The following DOCK1 variants were observed in gnomAD, a reference collection of about 807,000 sequenced individuals.
The protein encoded by DOCK1 is dedicator of cytokinesis protein 1.
Under a neutral mutation model 262.7 loss-of-function variants are expected in DOCK1, and 138 were observed. The observed-to-expected ratio is 0.53, with a 90% CI of 0.46 to 0.61. DOCK1 has a LOEUF of 0.61. DOCK1 is among the 20% of genes least tolerant of loss of function. The pLI, the probability that DOCK1 is intolerant of heterozygous loss-of-function variation, is 0.00. For missense variants in DOCK1, 1,908 were observed against 2,370.7 expected (o/e 0.80, Z 4.05); for synonymous variants, 866 against 867.4 (o/e 1.00, Z 0.03).
chr10:127,416,045 G>A (rs575547613), intron 44 of DOCK1, among the ~76,000 whole-genome samples: 6 of 152,182 alleles, frequency 3.9e-5, no homozygotes, highest in African/African-American at 9.7e-5. Context: ...TCTAGGGGCC[G>A]GCATCTCTCT....
chr10:127,256,894 T>A (rs989182385), intron 28 of DOCK1, among the ~76,000 whole-genome samples: 1 of 152,212 alleles, frequency 6.6e-6, no homozygotes, highest in Non-Finnish European at 1.5e-5. Flanking sequence ...GTTTTGAAAT[T>A]CCGTAAGAGA....
intron 25 of DOCK1, among the ~76,000 whole-genome samples, chr10:127,111,770 C>T (rs2048880455): frequency 6.6e-6 from 1 of 152,292 alleles, no homozygotes; most frequent in South Asian, 2.1e-4. Flanking sequence ...TACTGCATCA[C>T]CAGCACTACC....
rs796220756 is a variant in DOCK1 at position 127,039,390 on chromosome 10, G to A, written c.2010+1574G>A. Among the ~76,000 whole-genome samples, 12 of 152,244 alleles carry A rather than the reference G, an allele frequency of 7.9e-5. 1 individual carries two copies. Among genetic ancestry groups the A allele is most frequent in the African/African-American group, 1.9e-4 (8 of 41,554 alleles). On this transcript the variant is annotated intron_variant, in intron 19 of 51. Transcript: ENST00000623213. ...ATTAGGAATGAGTTGTATTTCTGGC[G>A]ACCAGTTACCACAGTTACCTGGAAG...
chr10:126,908,105 C>G (rs1357299961), intron 1 of DOCK1, among the ~76,000 whole-genome samples: 2 of 141,884 alleles, frequency 1.4e-5, no homozygotes, highest in Admixed American at 1.4e-4. Context: ...TCCAGAGGCA[C>G]TTTAACCAGA....
intron 30 of DOCK1, among the ~76,000 whole-genome samples, chr10:127,341,522 A>G (rs903741973): frequency 4.6e-5 from 7 of 152,214 alleles, no homozygotes; most frequent in Admixed American, 3.3e-4. Flanking sequence ...AATACTTTGC[A>G]GTATTTTTTT....
intron 29 of DOCK1, among the ~76,000 whole-genome samples, chr10:127,261,118 T>TGCGG (rs2060057948): frequency 7.1e-6 from 1 of 140,268 alleles, no homozygotes. Flanking sequence ...TGTGTGTGCA[T>TGCGG]GTGTGTGTGC....
chr10:127,444,418 G>A, intron 50 of DOCK1, 139 bp downstream of exon 50: 7 of 1,171,420 alleles, frequency 6.0e-6, no homozygotes, highest in Non-Finnish European at 7.0e-6. Flanking sequence ...GGCTCCCTGG[G>A]AGTGTCCCCT....
At chr10:127,187,957 C>T (rs1375652762) in intron 27 of DOCK1, among the ~76,000 whole-genome samples, 1 of 152,046 alleles carries the variant, frequency 6.6e-6, no homozygotes, top group Non-Finnish European at 1.5e-5. Context: ...TCTTTTTCAC[C>T]CTTTGTTGTC....
At chr10:127,377,907 AAAG>A (rs1186215396) in intron 35 of DOCK1, among the ~76,000 whole-genome samples, 3 of 151,462 alleles carry the variant, frequency 2.0e-5, no homozygotes, top group South Asian at 2.1e-4. Context: ...AAAAAAAAAA[AAAG>A]AAGAAAGAAA....
rs139028855 is a variant in DOCK1, at chr10:126,984,198, C to T, written c.227+2225C>T. Among the ~76,000 whole-genome samples, 96 of 152,238 alleles carry T rather than the reference C, an allele frequency of 6.3e-4. No homozygotes were observed. The East Asian group carries it at 0.016, about 25-fold the overall frequency. On this transcript the variant is annotated intron_variant, in intron 4 of 51. Transcript: ENST00000623213. ...CTGTCTCTGTGGGTGATGCTCACAT[C>T]GGGACCACCAGCCCTGATTTGTCTC... is the stretch of plus-strand genomic sequence containing the variant.
At chr10:127,070,346 C>T (rs752541223) in intron 23 of DOCK1, among the ~76,000 whole-genome samples, 2 of 147,276 alleles carry the variant, frequency 1.4e-5, no homozygotes, top group African/African-American at 2.5e-5. Context: ...CTCCACCTCC[C>T]GGGTTCAAAC....
chr10:126,929,738 AGGCGG>A (rs2034040982), intron 1 of DOCK1, among the ~76,000 whole-genome samples: 1 of 152,126 alleles, frequency 6.6e-6, no homozygotes, highest in Admixed American at 6.6e-5. Flanking sequence ...CAGGGGAAGC[AGGCGG>A]GAGGGCACTT....
chr10:127,150,318 C>T (rs181578770), intron 27 of DOCK1, among the ~76,000 whole-genome samples: 31 of 152,298 alleles, frequency 2.0e-4, no homozygotes, highest in Non-Finnish European at 3.7e-4. Flanking sequence ...GGTCATCCAG[C>T]TCAATCCCCA....
chr10:127,022,101 A>C (rs570075063), intron 13 of DOCK1, among the ~76,000 whole-genome samples: 2 of 152,172 alleles, frequency 1.3e-5, no homozygotes, highest in Admixed American at 1.3e-4. Context: ...CTATGTTCTC[A>C]GTAGGAAGAA....
At chr10:127,106,426 C>A in intron 24 of DOCK1, 125 bp downstream of exon 24, 2 of 962,134 alleles carry the variant, frequency 2.1e-6, no homozygotes, top group South Asian at 1.8e-5. Flanking sequence ...CTGGATCATT[C>A]TGGAACATGT....
At chr10:126,976,018 G>C (rs1030879904) in intron 2 of DOCK1, among the ~76,000 whole-genome samples, 1 of 152,170 alleles carries the variant, frequency 6.6e-6, no homozygotes, top group African/African-American at 2.4e-5. Flanking sequence ...GAAAAGAAAG[G>C]ACATATTAAT....
At chr10:126,954,986 C>CT (rs1190249230) in intron 1 of DOCK1, among the ~76,000 whole-genome samples, 2 of 152,214 alleles carry the variant, frequency 1.3e-5, no homozygotes, top group Non-Finnish European at 2.9e-5. Context: ...AACTGCCAAA[C>CT]GGTTTTTCCG....
chr10:127,171,453 G>T (rs1362493342), intron 27 of DOCK1, among the ~76,000 whole-genome samples: 1 of 152,190 alleles, frequency 6.6e-6, no homozygotes, highest in Admixed American at 6.5e-5. Context: ...ACCCCTTTGG[G>T]CCAGGTCAGA....
At chr10:127,349,214 C>G (rs550548999) in intron 31 of DOCK1, among the ~76,000 whole-genome samples, 2 of 152,158 alleles carry the variant, frequency 1.3e-5, no homozygotes, top group South Asian at 4.2e-4. Context: ...CCCCACCTCC[C>G]ACCCACTCCG....
Sources: gnomAD v4.1 joint callset for allele counts (sites outside exome capture counted in the v4.1 genomes callset) on GRCh38, gnomAD v4.1.1 for gene constraint, MANE v1.5 for transcripts, NCBI Gene and HGNC (gene_info 2026-07-23, HGNC 2026-07-21) for gene names.